The following NRG1 variants were observed in gnomAD, a reference collection of about 807,000 sequenced individuals.
NRG1 encodes neuregulin 1, also known as pro-neuregulin-1, membrane-bound isoform.
NRG1 carries 18 observed loss-of-function variants against 63.8 expected under a neutral mutation model. The ratio of observed to expected loss-of-function variants is 0.28; its 90% CI spans 0.19 to 0.42. The LOEUF (loss-of-function observed/expected upper bound fraction) is 0.42. Ranked by LOEUF, NRG1 falls within the 10% of genes least tolerant of loss-of-function variation. The probability of loss-of-function intolerance (pLI) is 1.00; values close to 1 mark genes in which losing one functional copy is unlikely to be tolerated. For synonymous variants in NRG1, 302 were observed against 301.3 expected, an observed-to-expected ratio of 1.00 and a Z score of -0.02; for missense variants, 762 against 814.7, an observed-to-expected ratio of 0.94 and a Z score of 0.79.
chr8:31,829,408 G>A (rs1435993162), intron 1 of NRG1, among the ~76,000 whole-genome samples: 1 of 152,118 alleles, frequency 6.6e-6, no homozygotes, highest in Non-Finnish European at 1.5e-5. Context: ...CATGCTCACG[G>A]CTACAAATGG....
chr8:32,520,345 A>G (rs1830221420), intron 1 of NRG1, among the ~76,000 whole-genome samples: 1 of 151,326 alleles, frequency 6.6e-6, no homozygotes, highest in Non-Finnish European at 1.5e-5. Context: ...TTTTGGTAGA[A>G]ACAGGGTCTT....
At chr8:31,958,154 A>G (rs2200033) in intron 1 of NRG1, among the ~76,000 whole-genome samples, 108,561 of 151,860 alleles carry the variant, frequency 0.71, 40,223 homozygotes, top group Non-Finnish European at 0.82. Flanking sequence ...ATCTCTAAGT[A>G]CATGAAGAAT....
At chr8:32,355,496 T>G (rs1466613295) in intron 1 of NRG1, among the ~76,000 whole-genome samples, 1 of 152,188 alleles carries the variant, frequency 6.6e-6, no homozygotes, top group African/African-American at 2.4e-5. Flanking sequence ...GGGGATAATA[T>G]TTGCCACAAA....
At chr8:32,037,850 C>T (rs562193471) in intron 1 of NRG1, among the ~76,000 whole-genome samples, 133 of 152,316 alleles carry the variant, frequency 8.7e-4, no homozygotes, top group Non-Finnish European at 1.5e-3. Flanking sequence ...ACTCGGTCTT[C>T]TTAGGCTGTC....
At chr8:32,272,245 T>A (rs1191971370) in intron 1 of NRG1, among the ~76,000 whole-genome samples, 1 of 152,160 alleles carries the variant, frequency 6.6e-6, no homozygotes, top group Non-Finnish European at 1.5e-5. Context: ...GGCTTGCAGA[T>A]GGCAGCCTTC....
Position 32,395,946 on chromosome 8 carries a change from A to C in NRG1, c.38-199882A>C, listed in dbSNP as rs531281127. Among the ~76,000 whole-genome samples, 4 of 152,296 alleles carry C rather than the reference A, an allele frequency of 2.6e-5. No homozygotes were observed. The South Asian group carries it at 8.3e-4, about 32-fold the overall frequency. ...TGGATCAAAGTTTAGTTACATGTGG[A>C]TATCCAAGCATCCTAAGCATCTTTT... On this transcript the variant is annotated intron_variant, in intron 1 of 10. Transcript: ENST00000519301.
intron 1 of NRG1, among the ~76,000 whole-genome samples, chr8:32,514,051 A>G (rs1437188321): frequency 6.6e-6 from 1 of 152,196 alleles, no homozygotes; most frequent in Non-Finnish European, 1.5e-5. Flanking sequence ...AGTATTTTCC[A>G]GCTATATACT....
At chr8:32,102,897 T>C (rs1190445999) in intron 1 of NRG1, among the ~76,000 whole-genome samples, 10 of 152,188 alleles carry the variant, frequency 6.6e-5, no homozygotes, top group Non-Finnish European at 1.3e-4. Flanking sequence ...TTTTAATTTT[T>C]AATTTCTAAT....
At chr8:32,648,694 A>AT in intron 5 of NRG1, among the ~76,000 whole-genome samples, 1 of 152,176 alleles carries the variant, frequency 6.6e-6, no homozygotes, top group East Asian at 1.9e-4. Flanking sequence ...TTTCTAACAC[A>AT]TTTTAAAATT....
intron 1 of NRG1, among the ~76,000 whole-genome samples, chr8:32,527,001 T>G (rs1830917842): frequency 6.6e-6 from 1 of 152,164 alleles, no homozygotes; most frequent in Non-Finnish European, 1.5e-5. Flanking sequence ...TACATTTATA[T>G]CTCCAGCTCC....
intron 1 of NRG1, among the ~76,000 whole-genome samples, chr8:32,340,136 A>C (rs542424533): frequency 6.6e-6 from 1 of 152,326 alleles, no homozygotes; most frequent in East Asian, 1.9e-4. Context: ...CAAGAGATTA[A>C]TTGGCATTTA....
intron 1 of NRG1, among the ~76,000 whole-genome samples, chr8:31,743,905 A>T (rs1815577600): frequency 6.6e-6 from 1 of 152,042 alleles, no homozygotes. Context: ...TGGAAAAAAA[A>T]GCTTTGTTTT....
intron 1 of NRG1, among the ~76,000 whole-genome samples, chr8:32,025,869 C>T (rs545538426): frequency 1.3e-5 from 2 of 150,272 alleles, no homozygotes; most frequent in East Asian, 2.1e-4. Context: ...TGGCGTGAAC[C>T]CGGGAGGCGG....
chr8:32,509,148 G>A (rs1478224017), intron 1 of NRG1, among the ~76,000 whole-genome samples: 1 of 151,380 alleles, frequency 6.6e-6, no homozygotes, highest in Non-Finnish European at 1.5e-5. Context: ...TGTCACCCAG[G>A]CTGGAGTACA....
chr8:32,437,101 A>G (rs1407305987), intron 1 of NRG1, among the ~76,000 whole-genome samples: 2 of 152,140 alleles, frequency 1.3e-5, no homozygotes, highest in Non-Finnish European at 2.9e-5. Context: ...AAGCCATATC[A>G]GGGGATCTTC....
chr8:31,762,455 T>C (rs1254768211), intron 1 of NRG1, among the ~76,000 whole-genome samples: 1 of 152,244 alleles, frequency 6.6e-6, no homozygotes, highest in African/African-American at 2.4e-5. Context: ...CTGATGGGCA[T>C]ATGGACTGGT....
intron 1 of NRG1, among the ~76,000 whole-genome samples, chr8:31,663,871 T>A (rs1030567863): frequency 1.3e-5 from 2 of 152,048 alleles, no homozygotes; most frequent in Non-Finnish European, 2.9e-5. Context: ...GCTATTATAA[T>A]GGGAAAAAAT....
chr8:32,277,844 A>C (rs1323533695), intron 1 of NRG1, among the ~76,000 whole-genome samples: 1 of 152,124 alleles, frequency 6.6e-6, no homozygotes, highest in Middle Eastern at 3.2e-3. Flanking sequence ...TGGTGACCAC[A>C]AGGCCTTCAG....
intron 1 of NRG1, among the ~76,000 whole-genome samples, chr8:31,769,093 T>G (rs1370934891): frequency 2.6e-5 from 4 of 152,194 alleles, no homozygotes; most frequent in Non-Finnish European, 5.9e-5. Flanking sequence ...TTTCTCAACA[T>G]TTTGCCAATT....
Sources: allele counts gnomAD v4.1 joint callset (sites outside exome capture counted in the v4.1 genomes callset), GRCh38; gene constraint gnomAD v4.1.1; transcripts MANE v1.5; gene names NCBI Gene and HGNC (gene_info 2026-07-23, HGNC 2026-07-21).